VWA2: variants seen among roughly 807,000 people sequenced by gnomAD.
The protein encoded by VWA2 is von Willebrand factor A domain-containing protein 2.
Under a neutral mutation model 70.4 loss-of-function variants are expected in VWA2, and 73 were observed. The observed-to-expected ratio is 1.04, with a 90% CI of 0.86 to 1.26. The LOEUF (loss-of-function observed/expected upper bound fraction) is 1.26. VWA2 is among the 50% of genes most tolerant of loss of function. The pLI is 0.00. For missense variants in VWA2, 1,011 were observed against 998.5 expected (o/e 1.01, Z -0.17); for synonymous variants, 407 against 423.3 (o/e 0.96, Z 0.47).
chr10:114,291,118 G>A, intron 13 of VWA2, 100 bp from the exon 14 acceptor site: 3 of 1,380,550 alleles, frequency 2.2e-6, no homozygotes, highest in Admixed American at 2.0e-5. Context: ...GAGGTGGGTT[G>A]TAGAGTAAGA....
At chr10:114,263,352 T>G (rs1346624110) in intron 5 of VWA2, among the ~76,000 whole-genome samples, 1 of 144,362 alleles carries the variant, frequency 6.9e-6, no homozygotes, top group African/African-American at 2.6e-5. Flanking sequence ...TTTTTTTTTT[T>G]GTGAGACGAA....
chr10:114,277,180 T>TC (rs1406609084), intron 6 of VWA2, among the ~76,000 whole-genome samples: 4 of 128,232 alleles, frequency 3.1e-5, no homozygotes, highest in African/African-American at 1.2e-4. Context: ...TTTTTTTTTT[T>TC]TTTTTTTTTT....
chr10:114,273,114 T>C (rs2037749055), intron 6 of VWA2, among the ~76,000 whole-genome samples, 180 bp downstream of exon 6: 1 of 152,206 alleles, frequency 6.6e-6, no homozygotes, highest in Non-Finnish European at 1.5e-5. Flanking sequence ...TTGGAGCCTG[T>C]ATTTGCATTG....
At chr10:114,248,815 G>T in intron 2 of VWA2, 50 bp downstream of exon 2, 4 of 1,552,160 alleles carry the variant, frequency 2.6e-6, no homozygotes, top group Non-Finnish European at 3.6e-6. Flanking sequence ...TTGAGTAGGG[G>T]GGTTGCTTGC....
rs576970575 is a variant in VWA2 at position 114,291,603 on chromosome 10, C to A, written c.*366C>A. ...TGAAGACTTAAATTTAGCGGCCTGA[C>A]GTTCCTTTGCACACAATCAATGCTC... On this transcript the variant is annotated 3_prime_UTR_variant, in exon 14 of 14. Coordinates refer to ENST00000392982, the MANE Select transcript of VWA2 (RefSeq NM_001272046.2). The A allele has an allele frequency of 8.9e-6, 2 of 225,302 alleles. No homozygotes were observed. The highest frequency in any genetic ancestry group is 1.2e-4 in the East Asian group (1 of 8,142). The allele number at this position is 225,302 out of a possible 1,614,324, so 14.0% of individuals were successfully genotyped here.
chr10:114,261,296 G>C lies in VWA2; in HGVS notation c.371+1G>C, dbSNP rs762332079. 3.1e-6 allele frequency: 5 copies of C among 1,612,768 alleles called. No homozygotes were observed. Among genetic ancestry groups the C allele is most frequent in the South Asian group, 2.2e-5 (2 of 91,042 alleles). On this transcript the variant is annotated splice_donor_variant, in intron 5 of 13. Transcript: ENST00000392982. LOFTEE classifies it high-confidence loss of function. ...CAAGAATCAAGAGGATGGTTTTCAA[G>C]TATGTATGATCAGATACTGCTGTGG...
Position 114,254,973 on chromosome 10 carries a change from C to T in VWA2, c.186C>T (p.Val62=), listed in dbSNP as rs765623694. The T allele has an allele frequency of 6.8e-6, 11 of 1,613,282 alleles. No individual in the cohort carries two copies. The highest frequency in any genetic ancestry group is 1.7e-5 in the Admixed American group (1 of 60,018). The change falls in exon 4 of 14, where the codon GTC becomes GTT. Residue 62 remains valine (V), a synonymous_variant. Coordinates refer to ENST00000392982, the MANE Select transcript of VWA2 (RefSeq NM_001272046.2). ...IMFLLDGSNS[V]GKGSFERSKH... ...TTCTGTTAGATGGGTCTAACAGCGT[C>T]GGGAAAGGGAGCTTTGAAAGGTCCA... is the stretch of plus-strand genomic sequence containing the variant.
In VWA2 at chr10:114,285,378, T is replaced by C. The variant is rs573756873; in HGVS notation, c.997+408T>C. On this transcript the variant is annotated intron_variant, in intron 10 of 13. Transcript: ENST00000392982. ...GTGTGAAATGAAGATGATAGTAGGC[T>C]TTACCTCACTGGGTGGTTGAGAGTT... 1.1e-3 allele frequency among the ~76,000 whole-genome samples: 171 copies of C among 152,368 alleles called. 3 individuals carry two copies. The South Asian group carries it at 0.025, about 22-fold the overall frequency.
chr10:114,280,623 G>T (rs1022587781), intron 8 of VWA2: 4 of 152,262 alleles, frequency 2.6e-5, no homozygotes, highest in African/African-American at 9.7e-5. Flanking sequence ...AATCAGGGAG[G>T]GGGAAGGGCC....
chr10:114,279,680 C>G (rs1357771745), intron 8 of VWA2, among the ~76,000 whole-genome samples: 1 of 152,242 alleles, frequency 6.6e-6, no homozygotes, highest in Non-Finnish European at 1.5e-5. Context: ...CCCAACCTCT[C>G]AAGTGAAAGG....
chr10:114,289,601 C>T (rs2133694031), intron 12 of VWA2, 112 bp downstream of exon 12: 3 of 1,253,444 alleles, frequency 2.4e-6, no homozygotes, highest in Non-Finnish European at 3.4e-6. Flanking sequence ...TGAGCACTTG[C>T]TTCCCAAGTG....
At chr10:114,254,829 C>T in intron 3 of VWA2, 86 bp from the exon 4 acceptor site, 1 of 1,558,894 alleles carries the variant, frequency 6.4e-7, no homozygotes, top group South Asian at 1.2e-5. Context: ...GCCTGGCCCA[C>T]CACAAGGCTG....
intron 7 of VWA2, 48 bp downstream of exon 7, chr10:114,278,095 G>A: frequency 6.3e-7 from 1 of 1,582,436 alleles, no homozygotes; most frequent in Non-Finnish European, 8.6e-7. Context: ...GTGGGGTCGG[G>A]GAGGGCTCCC....
intron 4 of VWA2, among the ~76,000 whole-genome samples, chr10:114,256,001 T>C (rs973391585): frequency 6.6e-6 from 1 of 152,192 alleles, no homozygotes; most frequent in Non-Finnish European, 1.5e-5. Context: ...GGTGTTGTCA[T>C]ACACTGCTGG....
intron 8 of VWA2, chr10:114,280,679 G>A (rs2038040290): frequency 6.6e-6 from 1 of 152,230 alleles, no homozygotes; most frequent in Non-Finnish European, 1.5e-5. Context: ...GAGGTCACTA[G>A]GATAGACATG....
chr10:114,268,920 C>T (rs1040327155), intron 5 of VWA2, among the ~76,000 whole-genome samples: 1 of 152,110 alleles, frequency 6.6e-6, no homozygotes, highest in Non-Finnish European at 1.5e-5. Flanking sequence ...TGGTCTCGAT[C>T]TCTTGACCTT....
intron 2 of VWA2, among the ~76,000 whole-genome samples, chr10:114,249,265 T>G (rs961896673): frequency 9.9e-5 from 15 of 152,098 alleles, no homozygotes; most frequent in Admixed American, 2.6e-4. Context: ...TTTTATTTAT[T>G]TATTTATTTG....
intron 10 of VWA2, 22 bp downstream of exon 10, chr10:114,284,992 A>G: frequency 6.5e-7 from 1 of 1,543,802 alleles, no homozygotes; most frequent in South Asian, 1.2e-5. Context: ...CCGGCCCTGC[A>G]AGACTGACCA....
rs1236415194 is a variant in VWA2 at position 114,292,442 on chromosome 10, TG to T, written c.*1206del. Among the ~76,000 whole-genome samples the T allele has an allele frequency of 6.6e-6, 1 of 152,032 alleles. No homozygotes were observed. The highest frequency in any genetic ancestry group is 1.5e-5 in the Non-Finnish European group (1 of 68,012). ...GCTTTTTAAAGCATTGATCTTACGC[TG>T]TCTAGGTTTTAATTTTGTTTTGCTT... On this transcript the variant is annotated 3_prime_UTR_variant, in exon 14 of 14. Coordinates refer to ENST00000392982, the MANE Select transcript of VWA2 (RefSeq NM_001272046.2).
Sources: gnomAD v4.1 joint callset for allele counts (sites outside exome capture counted in the v4.1 genomes callset) on GRCh38, gnomAD v4.1.1 for gene constraint, MANE v1.5 for transcripts, NCBI Gene and HGNC (gene_info 2026-07-23, HGNC 2026-07-21) for gene names.